The following XKR4 variants were observed in gnomAD, a reference collection of about 807,000 sequenced individuals.
XKR4 encodes XK-related protein 4.
A neutral mutation model predicts 53.9 loss-of-function variants in XKR4; 12 were observed. The ratio of observed to expected loss-of-function variants is 0.22; its 90% confidence interval spans 0.14 to 0.36. The LOEUF (loss-of-function observed/expected upper bound fraction) is 0.36. Among genes scored for constraint, XKR4 ranks in the 10% least tolerant of loss-of-function variants. The probability of loss-of-function intolerance (pLI) is 1.00; values close to 1 mark genes in which losing one functional copy is unlikely to be tolerated. For synonymous variants in XKR4, 354 were observed against 362.4 expected (o/e 0.98, Z 0.26); for missense variants, 799 against 859.5 (o/e 0.93, Z 0.88).
At position 55,299,694 on chromosome 8, in the gene XKR4, T is replaced by C. The variant is rs191678044; in HGVS notation, c.807-57984T>C. ...CGACTTGGTGACTTGGTATACAGAG[T>C]GAAGAACAGGAAGGGCCAGGGTGAC... On this transcript the variant is annotated intron_variant, in intron 1 of 2. Coordinates refer to ENST00000327381, the MANE Select transcript of XKR4 (RefSeq NM_052898.2). Among the ~76,000 whole-genome samples, 233 of 151,982 alleles carry C rather than the reference T, an allele frequency of 1.5e-3. 3 individuals are homozygous for C. The highest frequency in any genetic ancestry group is 5.0e-3 in the African/African-American group (209 of 41,420).
intron 1 of XKR4, among the ~76,000 whole-genome samples, chr8:55,313,046 T>C (rs1819409577): frequency 6.6e-6 from 1 of 152,156 alleles, no homozygotes; most frequent in African/African-American, 2.4e-5. Context: ...TCTGGTTTTA[T>C]AGCATTTTAA....
At chr8:55,422,453 G>A (rs1444177577) in intron 2 of XKR4, among the ~76,000 whole-genome samples, 1 of 152,214 alleles carries the variant, frequency 6.6e-6, no homozygotes, top group East Asian at 1.9e-4. Flanking sequence ...ACAAACAGTA[G>A]AGGATTTGAT....
intron 1 of XKR4, among the ~76,000 whole-genome samples, chr8:55,197,873 C>T (rs1237325995): frequency 6.6e-6 from 1 of 152,134 alleles, no homozygotes; most frequent in Non-Finnish European, 1.5e-5. Context: ...AACAAAGTTT[C>T]ATGACTAAAA....
chr8:55,418,219 G>T (rs182995790), intron 2 of XKR4, among the ~76,000 whole-genome samples: 281 of 152,280 alleles, frequency 1.8e-3, no homozygotes, highest in African/African-American at 5.9e-3. Flanking sequence ...ACTCATGGAG[G>T]GGGTGTGGAT....
In XKR4 at chr8:55,428,873, G is replaced by T. The variant is rs137928366; in HGVS notation, c.1006+70996G>T. Among the ~76,000 whole-genome samples the T allele has an allele frequency of 2.6e-5, 4 of 152,290 alleles. No individual in the cohort carries two copies. The East Asian group carries it at 7.7e-4, about 29-fold the overall frequency. On this transcript the variant is annotated intron_variant, in intron 2 of 2. Transcript: ENST00000327381. Reference sequence around the variant, plus strand: ...CTTCCCAAATGGATGTGGGTTTAATGCAATTCCTATCAAAATCTCAGCAAT... The same window carrying T: ...CTTCCCAAATGGATGTGGGTTTAATTCAATTCCTATCAAAATCTCAGCAAT...
At chr8:55,363,283 C>A (rs1165781060) in intron 2 of XKR4, among the ~76,000 whole-genome samples, 1 of 152,086 alleles carries the variant, frequency 6.6e-6, no homozygotes, top group African/African-American at 2.4e-5. Flanking sequence ...CGAAAAACAC[C>A]GACTTCTCAT....
At chr8:55,312,297 A>C (rs538313969) in intron 1 of XKR4, among the ~76,000 whole-genome samples, 1 of 152,216 alleles carries the variant, frequency 6.6e-6, no homozygotes, top group African/African-American at 2.4e-5. Flanking sequence ...TTAATAAAAT[A>C]TAATAACAAA....
chr8:55,319,496 T>C (rs566169644), intron 1 of XKR4, among the ~76,000 whole-genome samples: 5 of 152,326 alleles, frequency 3.3e-5, no homozygotes, highest in African/African-American at 9.6e-5. Context: ...GGCCATTCCA[T>C]TGTAAGGATA....
At chr8:55,388,620 C>T (rs980085728) in intron 2 of XKR4, among the ~76,000 whole-genome samples, 1 of 152,182 alleles carries the variant, frequency 6.6e-6, no homozygotes, top group African/African-American at 2.4e-5. Flanking sequence ...TATAAGGGCA[C>T]TCATCTCATT....
chr8:55,140,448 G>A (rs1387667758), intron 1 of XKR4, among the ~76,000 whole-genome samples: 1 of 152,210 alleles, frequency 6.6e-6, no homozygotes, highest in Admixed American at 6.5e-5. Context: ...TCCCACAGGG[G>A]TCTCAGTGCC....
chr8:55,415,147 A>T (rs1031295474), intron 2 of XKR4, among the ~76,000 whole-genome samples: 8 of 152,244 alleles, frequency 5.3e-5, no homozygotes, highest in East Asian at 3.8e-4. Flanking sequence ...TCTTAAAGAC[A>T]GCTTGACAAA....
Position 55,172,575 on chromosome 8 carries a change from G to A in XKR4, c.806+69281G>A, listed in dbSNP as rs117508678. Among the ~76,000 whole-genome samples the A allele has an allele frequency of 3.0e-3, 451 of 152,190 alleles. 1 individual carries two copies. The highest frequency in any genetic ancestry group is 4.7e-3 in the Non-Finnish European group (318 of 68,000). ...GTATAAAACAAAGACAGAGTGAAAA[G>A]CATTTAGAAAAAGAAGCAAACTTGT... On this transcript the variant is annotated intron_variant, in intron 1 of 2. Coordinates refer to ENST00000327381, the MANE Select transcript of XKR4 (RefSeq NM_052898.2).
chr8:55,453,165 G>A (rs978773057), intron 2 of XKR4: 14 of 509,518 alleles, frequency 2.7e-5, no homozygotes, highest in South Asian at 1.5e-4. Context: ...TCCACACCAC[G>A]TGCTCCTGCA....
chr8:55,304,116 G>A (rs1182148104), intron 1 of XKR4, among the ~76,000 whole-genome samples: 2 of 152,122 alleles, frequency 1.3e-5, no homozygotes, highest in African/African-American at 4.8e-5. Context: ...GATCTTTCCT[G>A]CTTTCTCTTG....
In XKR4 at chr8:55,244,638, G is replaced by A. The variant is rs142185760; in HGVS notation, c.807-113040G>A. On this transcript the variant is annotated intron_variant, in intron 1 of 2. Coordinates refer to ENST00000327381, the MANE Select transcript of XKR4 (RefSeq NM_052898.2). ...TCTGTTTTAAGTTGTTTGAGAAATC[G>A]ACACTGCTTTCCATAATGGCAGAAC... is the stretch of plus-strand genomic sequence containing the variant. 4.1e-3 allele frequency among the ~76,000 whole-genome samples: 624 copies of A among 152,220 alleles called. 8 individuals are homozygous for A. The highest frequency in any genetic ancestry group is 0.014 in the African/African-American group (582 of 41,528).
chr8:55,415,973 A>G (rs1039639719), intron 2 of XKR4, among the ~76,000 whole-genome samples: 2 of 152,210 alleles, frequency 1.3e-5, no homozygotes, highest in African/African-American at 4.8e-5. Context: ...ACTCAGAGGA[A>G]CGGCAGAGTT....
rs1398566611 is a variant in XKR4 at position 55,206,177 on chromosome 8, C to A, written c.806+102883C>A. Among the ~76,000 whole-genome samples the A allele has an allele frequency of 3.3e-5, 5 of 152,306 alleles. No individual in the cohort carries two copies. The East Asian group carries it at 9.7e-4, about 29-fold the overall frequency. On this transcript the variant is annotated intron_variant, in intron 1 of 2. Transcript: ENST00000327381. ...TTATTGCGAAGAGCAAAAGAACAAA[C>A]CTTCCACACCATGGAAGGGGGCCGG...
chr8:55,250,495 C>G (rs1191175094), intron 1 of XKR4, among the ~76,000 whole-genome samples: 2 of 152,168 alleles, frequency 1.3e-5, no homozygotes, highest in South Asian at 4.1e-4. Context: ...AGGCTTTTCT[C>G]TAAGGGAGCT....
At chr8:55,445,875 T>G (rs1448716493) in intron 2 of XKR4, among the ~76,000 whole-genome samples, 2 of 152,224 alleles carry the variant, frequency 1.3e-5, no homozygotes, top group African/African-American at 4.8e-5. Context: ...GTACGAAGCC[T>G]TGCTAAATAG....
Sources: allele counts gnomAD v4.1 joint callset (sites outside exome capture counted in the v4.1 genomes callset), GRCh38; gene constraint gnomAD v4.1.1; transcripts MANE v1.5; gene names NCBI Gene and HGNC (gene_info 2026-07-23, HGNC 2026-07-21).